The following MAN1A1 variants were observed in gnomAD, a reference collection of about 807,000 sequenced individuals.
MAN1A1 encodes mannosyl-oligosaccharide 1,2-alpha-mannosidase IA.
Under a neutral mutation model 70.8 loss-of-function variants are expected in MAN1A1, and 29 were observed. That is an observed-to-expected ratio of 0.41 (90% CI 0.31 to 0.56). MAN1A1 has a LOEUF of 0.56. Among genes scored for constraint, MAN1A1 ranks in the 20% least tolerant of loss-of-function variants. The pLI, the probability that MAN1A1 is intolerant of heterozygous loss-of-function variation, is 0.29. For missense variants in MAN1A1, 747 were observed against 841.3 expected, an observed-to-expected ratio of 0.89 and a Z score of 1.39; for synonymous variants, 349 against 330.1, an observed-to-expected ratio of 1.06 and a Z score of -0.62.
At chr6:119,289,638 T>C (rs1300257726) in intron 5 of MAN1A1, among the ~76,000 whole-genome samples, 3 of 151,786 alleles carry the variant, frequency 2.0e-5, no homozygotes, top group Admixed American at 6.6e-5. Context: ...AGGAGAGATA[T>C]AGATGAATAC....
intron 6 of MAN1A1, among the ~76,000 whole-genome samples, chr6:119,247,259 T>C (rs1047876890): frequency 1.3e-4 from 20 of 152,330 alleles, no homozygotes; most frequent in Non-Finnish European, 2.6e-4. Flanking sequence ...TATGCATCGA[T>C]GTGCGTATAG....
rs545301076 is a variant in MAN1A1 at position 119,179,516 on chromosome 6, G to T, written c.*303C>A. ...ATCAAATTATAATTAAGAGGTCATC[G>T]CTATACAATTCTATTCAGTTTAACA... On this transcript the variant is annotated 3_prime_UTR_variant, in exon 13 of 13. Coordinates refer to ENST00000368468, the MANE Select transcript of MAN1A1 (RefSeq NM_005907.4). The T allele has an allele frequency of 3.3e-5, 6 of 183,794 alleles. No homozygotes were observed. The South Asian group carries it at 5.1e-4, about 16-fold the overall frequency. The allele number at this position is 183,794 out of a possible 1,614,324, so 11.4% of individuals were successfully genotyped here.
In MAN1A1 at chr6:119,347,811, C is replaced by T. The variant is rs564996925; in HGVS notation, c.603+652G>A. 4.6e-5 allele frequency among the ~76,000 whole-genome samples: 7 copies of T among 152,344 alleles called. No individual in the cohort carries two copies. In the South Asian group the frequency reaches 1.0e-3, roughly 23 times the overall value. ...TGTTTATCCTGGATTAACTTTGTCA[C>T]CATTGTGCTGCTGTGGAGGCAAACC... is the stretch of plus-strand genomic sequence containing the variant. On this transcript the variant is annotated intron_variant, in intron 2 of 12. Coordinates refer to ENST00000368468, the MANE Select transcript of MAN1A1 (RefSeq NM_005907.4).
chr6:119,266,488 T>C (rs79739110), intron 5 of MAN1A1, among the ~76,000 whole-genome samples: 3,375 of 152,122 alleles, frequency 0.022, 64 homozygotes, highest in Admixed American at 0.04. Context: ...GAAGAAAAGA[T>C]AGCCTTTTTA....
rs1368836980 is a variant in MAN1A1, at chr6:119,182,103, G to A, written c.1720-1676C>T. 2.7e-5 allele frequency among the ~76,000 whole-genome samples: 4 copies of A among 150,368 alleles called. No individual in the cohort carries two copies. The East Asian group carries it at 5.8e-4, about 22-fold the overall frequency. ...AGGTATGAGGTGATATCTCACTGTG[G>A]TTCTAATCTGCATTTCCCTGATGAT... On this transcript the variant is annotated intron_variant, in intron 11 of 12. Transcript: ENST00000368468.
At chr6:119,242,514 G>C (rs1162415107) in intron 6 of MAN1A1, among the ~76,000 whole-genome samples, 2 of 152,010 alleles carry the variant, frequency 1.3e-5, no homozygotes, top group Non-Finnish European at 2.9e-5. Context: ...AAAATGAAAT[G>C]ATGTCCACGA....
intron 5 of MAN1A1, among the ~76,000 whole-genome samples, chr6:119,285,139 T>TTTTTTTCTTGTC (rs112547134): frequency 7.0e-6 from 1 of 142,786 alleles, no homozygotes; most frequent in Admixed American, 7.0e-5. Context: ...GTAGCAGACT[T>TTTTTTTCTTGTC]TTTTTTTTTT....
intron 5 of MAN1A1, among the ~76,000 whole-genome samples, chr6:119,289,907 G>A (rs1776487087): frequency 6.6e-6 from 1 of 151,988 alleles, no homozygotes; most frequent in Non-Finnish European, 1.5e-5. Flanking sequence ...AAATCTGACT[G>A]ACGTGCAACT....
chr6:119,324,837 C>T (rs1422362740), intron 2 of MAN1A1, among the ~76,000 whole-genome samples: 1 of 152,076 alleles, frequency 6.6e-6, no homozygotes, highest in Non-Finnish European at 1.5e-5. Flanking sequence ...CTTGACACTA[C>T]TGAAATTCGG....
intron 6 of MAN1A1, among the ~76,000 whole-genome samples, chr6:119,209,037 G>A (rs1284833979): frequency 6.8e-6 from 1 of 147,328 alleles, no homozygotes; most frequent in African/African-American, 2.5e-5. Flanking sequence ...GGAGGTTGCA[G>A]TGAGCTGATT....
chr6:119,236,227 A>T (rs546701032), intron 6 of MAN1A1, among the ~76,000 whole-genome samples: 1 of 152,308 alleles, frequency 6.6e-6, no homozygotes, highest in South Asian at 2.1e-4. Context: ...ATATATTTAT[A>T]ACATGGCTTA....
intron 2 of MAN1A1, among the ~76,000 whole-genome samples, chr6:119,327,996 C>T (rs1185671495): frequency 6.6e-6 from 1 of 152,054 alleles, no homozygotes; most frequent in Non-Finnish European, 1.5e-5. Flanking sequence ...ACAGATTCTC[C>T]CCCAGAGCCA....
At chr6:119,261,893 C>A (rs1318712724) in intron 5 of MAN1A1, among the ~76,000 whole-genome samples, 1 of 152,098 alleles carries the variant, frequency 6.6e-6, no homozygotes, top group Non-Finnish European at 1.5e-5. Context: ...TTGAAAAGGA[C>A]TAGTTCTAAA....
chr6:119,308,999 A>C (rs1338721880), intron 2 of MAN1A1, among the ~76,000 whole-genome samples: 1 of 152,158 alleles, frequency 6.6e-6, no homozygotes, highest in Non-Finnish European at 1.5e-5. Flanking sequence ...AAAAGCTGAC[A>C]CTAATTGGTT....
intron 5 of MAN1A1, among the ~76,000 whole-genome samples, chr6:119,271,130 T>A (rs910433426): frequency 5.9e-5 from 9 of 152,198 alleles, no homozygotes; most frequent in Non-Finnish European, 1.2e-4. Flanking sequence ...TACATTTCAC[T>A]GGAAGGAGTC....
chr6:119,287,474 T>C (rs1276951582), intron 5 of MAN1A1, among the ~76,000 whole-genome samples: 1 of 152,126 alleles, frequency 6.6e-6, no homozygotes, highest in Non-Finnish European at 1.5e-5. Flanking sequence ...TTTGCTTTAC[T>C]CTTATTCTGT....
chr6:119,297,735 CTTTTTTTTTT>C (rs386408421), intron 4 of MAN1A1, among the ~76,000 whole-genome samples: 1 of 95,686 alleles, frequency 1.0e-5, no homozygotes, highest in African/African-American at 4.0e-5. Context: ...AAATAGTTTC[CTTTTTTTTTT>C]TTTTTTTTTT....
chr6:119,341,230 C>T (rs1413804515), intron 2 of MAN1A1, among the ~76,000 whole-genome samples: 2 of 152,042 alleles, frequency 1.3e-5, no homozygotes, highest in East Asian at 1.9e-4. Flanking sequence ...CCACATTCTC[C>T]GGAGCAAAGG....
intron 4 of MAN1A1, among the ~76,000 whole-genome samples, chr6:119,299,025 T>C (rs1772312024): frequency 6.6e-6 from 1 of 152,108 alleles, no homozygotes; most frequent in Non-Finnish European, 1.5e-5. Flanking sequence ...ATTTTTCTTT[T>C]TTTTTTGCTA....
Sources: gnomAD v4.1 joint callset for allele counts (sites outside exome capture counted in the v4.1 genomes callset) on GRCh38, gnomAD v4.1.1 for gene constraint, MANE v1.5 for transcripts, NCBI Gene and HGNC (gene_info 2026-07-23, HGNC 2026-07-21) for gene names.